The following PRKCB variants were observed in gnomAD, a reference collection of about 807,000 sequenced individuals.
PRKCB encodes protein kinase C beta, also known as protein kinase C beta type.
In PRKCB, 13 loss-of-function variants were observed where a neutral mutation model predicts 81.5. The observed-to-expected ratio is 0.16, with a 90% CI of 0.10 to 0.25. The LOEUF (loss-of-function observed/expected upper bound fraction) is 0.25. Ranked by LOEUF, PRKCB falls within the 10% of genes least tolerant of loss-of-function variation. The probability of loss-of-function intolerance (pLI) is 1.00; values close to 1 mark genes in which losing one functional copy is unlikely to be tolerated. For synonymous variants in PRKCB, 335 were observed against 321.4 expected (o/e 1.04, Z -0.45); for missense variants, 509 against 875.7 (o/e 0.58, Z 5.29).
chr16:24,031,242 A>G (rs890503921), intron 3 of PRKCB, among the ~76,000 whole-genome samples: 5 of 152,202 alleles, frequency 3.3e-5, no homozygotes, highest in African/African-American at 1.2e-4. Context: ...CTCCCAAAAT[A>G]TAGTGACTTA....
chr16:24,036,486 G>A (rs921041708), intron 5 of PRKCB, among the ~76,000 whole-genome samples: 7 of 152,120 alleles, frequency 4.6e-5, no homozygotes, highest in African/African-American at 1.7e-4. Context: ...TGGTAACTCA[G>A]GAAATTGATC....
At chr16:24,040,285 C>T (rs2141861274) in intron 5 of PRKCB, among the ~76,000 whole-genome samples, 1 of 152,288 alleles carries the variant, frequency 6.6e-6, no homozygotes, top group East Asian at 1.9e-4. Context: ...TTCACTGTCT[C>T]CTCCCCCTTT....
chr16:23,923,053 T>A (rs1206383239), intron 2 of PRKCB, among the ~76,000 whole-genome samples: 1 of 152,108 alleles, frequency 6.6e-6, no homozygotes, highest in Non-Finnish European at 1.5e-5. Context: ...GTTATTTGAA[T>A]CTTAAAATTT....
intron 2 of PRKCB, among the ~76,000 whole-genome samples, chr16:23,913,069 G>A (rs192020262): frequency 6.6e-6 from 1 of 152,198 alleles, no homozygotes; most frequent in East Asian, 1.9e-4. Context: ...TCCAAATGCT[G>A]GGATTGCAGG....
intron 1 of PRKCB, among the ~76,000 whole-genome samples, chr16:23,836,847 G>A (rs900029322): frequency 9.9e-5 from 15 of 151,030 alleles, no homozygotes; most frequent in Non-Finnish European, 2.2e-4. Flanking sequence ...CTGTGCCTCC[G>A]GGCAGCGCCC....
intron 3 of PRKCB, among the ~76,000 whole-genome samples, chr16:24,028,975 G>C (rs2141852325): frequency 6.6e-6 from 1 of 151,768 alleles, no homozygotes; most frequent in African/African-American, 2.4e-5. Flanking sequence ...ATTTTTAATA[G>C]AGACAGGGTT....
At chr16:23,958,790 T>A (rs1330463231) in intron 2 of PRKCB, among the ~76,000 whole-genome samples, 2 of 150,988 alleles carry the variant, frequency 1.3e-5, no homozygotes, top group Non-Finnish European at 3.0e-5. Context: ...CTCATTATTA[T>A]TTTAAGTACC....
intron 16 of PRKCB, among the ~76,000 whole-genome samples, chr16:24,194,202 C>G (rs576680806): frequency 2.0e-5 from 3 of 152,222 alleles, no homozygotes; most frequent in African/African-American, 7.2e-5. Flanking sequence ...TGGCATGCAC[C>G]TGTAGTCCCA....
At chr16:24,080,743 G>A (rs576352793) in intron 5 of PRKCB, among the ~76,000 whole-genome samples, 1 of 152,258 alleles carries the variant, frequency 6.6e-6, no homozygotes, top group African/African-American at 2.4e-5. Context: ...CCATGGTTTA[G>A]TTCAAAGAAG....
At chr16:24,211,004 A>G (rs1265633922) in intron 16 of PRKCB, among the ~76,000 whole-genome samples, 1 of 152,170 alleles carries the variant, frequency 6.6e-6, no homozygotes, top group Non-Finnish European at 1.5e-5. Flanking sequence ...GAAAATGAAT[A>G]AACAAATGAA....
chr16:23,946,041 A>T (rs1041593362), intron 2 of PRKCB, among the ~76,000 whole-genome samples: 1 of 152,176 alleles, frequency 6.6e-6, no homozygotes, highest in African/African-American at 2.4e-5. Context: ...GCTTGTAGCA[A>T]CTCTGAAACC....
At chr16:24,099,215 A>G (rs1022146895) in intron 7 of PRKCB, 23 of 152,200 alleles carry the variant, frequency 1.5e-4, no homozygotes, top group Admixed American at 7.9e-4. Context: ...TGTGCAGAAA[A>G]AATAAAGCTT....
chr16:24,066,784 A>G lies in PRKCB; in HGVS notation c.530-26007A>G, dbSNP rs149964222. On this transcript the variant is annotated intron_variant, in intron 5 of 16. Transcript: ENST00000643927. Reference sequence around the variant, plus strand: ...TTGACAGTTTTGAGAAGTACTGGTCAAGTATCTGGTAGAATGTCCATCCAC... The same window carrying G: ...TTGACAGTTTTGAGAAGTACTGGTCGAGTATCTGGTAGAATGTCCATCCAC... Among the ~76,000 whole-genome samples, 804 of 152,334 alleles carry G rather than the reference A, an allele frequency of 5.3e-3. 6 individuals are homozygous for G. The highest frequency in any genetic ancestry group is 0.019 in the African/African-American group (774 of 41,572).
At position 23,851,675 on chromosome 16, in the gene PRKCB, G is replaced by A. The variant is rs183164300; in HGVS notation, c.205+14269G>A. Among the ~76,000 whole-genome samples the A allele has an allele frequency of 1.7e-3, 264 of 152,316 alleles. 1 individual carries two copies. The highest frequency in any genetic ancestry group is 6.0e-3 in the African/African-American group (248 of 41,562). ...CTGAATCTGTAGATTGCTTTGGCTA[G>A]TATGGACATTTTCACAATATTAATT... is the stretch of plus-strand genomic sequence containing the variant. On this transcript the variant is annotated intron_variant, in intron 2 of 16. Transcript: ENST00000643927.
At chr16:24,183,034 A>C (rs1425261033) in intron 13 of PRKCB, among the ~76,000 whole-genome samples, 2 of 151,366 alleles carry the variant, frequency 1.3e-5, no homozygotes. Context: ...TTTTTTTTGT[A>C]TTTTTTTAGT....
chr16:24,046,327 T>C (rs191725720), intron 5 of PRKCB, among the ~76,000 whole-genome samples: 4 of 152,340 alleles, frequency 2.6e-5, no homozygotes, highest in Admixed American at 2.0e-4. Flanking sequence ...GTTGGGGGCC[T>C]CCCATGTGCT....
At chr16:23,890,025 T>C (rs1234033236) in intron 2 of PRKCB, among the ~76,000 whole-genome samples, 1 of 152,222 alleles carries the variant, frequency 6.6e-6, no homozygotes, top group Non-Finnish European at 1.5e-5. Flanking sequence ...CTTATCTAAT[T>C]CCAATAGTTA....
chr16:24,033,253 A>G (rs1156923377), intron 4 of PRKCB, among the ~76,000 whole-genome samples: 1 of 152,206 alleles, frequency 6.6e-6, no homozygotes, highest in African/African-American at 2.4e-5. Context: ...GGAGAAAGTC[A>G]TAGGGCAGAG....
intron 10 of PRKCB, among the ~76,000 whole-genome samples, chr16:24,167,170 G>A (rs1213144197): frequency 6.6e-6 from 1 of 151,302 alleles, no homozygotes; most frequent in African/African-American, 2.4e-5. Context: ...CAAAGAACCA[G>A]GGGCTGGGTG....
Sources: gnomAD v4.1 joint callset for allele counts (sites outside exome capture counted in the v4.1 genomes callset) on GRCh38, gnomAD v4.1.1 for gene constraint, MANE v1.5 for transcripts, NCBI Gene and HGNC (gene_info 2026-07-23, HGNC 2026-07-21) for gene names.